Variants in SLC9A8 observed in about 807,000 individuals in gnomAD.
SLC9A8 encodes the protein sodium/hydrogen exchanger 8.
SLC9A8 carries 48 observed loss-of-function variants against 66.6 expected under a neutral mutation model. The observed-to-expected ratio is 0.72, with a 90% CI of 0.57 to 0.92. The LOEUF (loss-of-function observed/expected upper bound fraction) is 0.92, where lower values mean the gene tolerates loss of function less well. SLC9A8 is among the 40% of genes least tolerant of loss of function. SLC9A8 has a pLI of 0.00. For synonymous variants in SLC9A8, 274 were observed against 282.6 expected, an observed-to-expected ratio of 0.97 and a Z score of 0.31; for missense variants, 599 against 747.3, an observed-to-expected ratio of 0.80 and a Z score of 2.31.
At chr20:49,847,986 T>C (rs1874719) in intron 5 of SLC9A8, among the ~76,000 whole-genome samples, 35,523 of 141,144 alleles carry the variant, frequency 0.25, 4,485 homozygotes, top group Middle Eastern at 0.33. Flanking sequence ...CTCGGCTCAC[T>C]GCGAACTCGG....
chr20:49,862,636 A>G (rs2088791841), intron 8 of SLC9A8, among the ~76,000 whole-genome samples: 1 of 152,006 alleles, frequency 6.6e-6, no homozygotes. Flanking sequence ...CTGCTTTTCT[A>G]CAGCCCTCTA....
chr20:49,819,934 C>T (rs2146452892), intron 2 of SLC9A8, among the ~76,000 whole-genome samples: 1 of 152,262 alleles, frequency 6.6e-6, no homozygotes, highest in African/African-American at 2.4e-5. Flanking sequence ...GATGTTTATT[C>T]ATTCATCAGT....
In SLC9A8 at chr20:49,835,194, G is replaced by GTT. The variant is rs974199185; in HGVS notation, c.290-4337_290-4336dup. ...TGCCCTAGGGAGATAGTCTGGGTTT[G>GTT]TTTTTTTTTTTGTGAATGTCTTCCA... is the stretch of plus-strand genomic sequence containing the variant. On this transcript the variant is annotated intron_variant, in intron 3 of 15. Transcript: ENST00000361573. Among the ~76,000 whole-genome samples, 7 of 85,784 alleles carry GTT rather than the reference G, an allele frequency of 8.2e-5. 1 individual carries two copies. Among genetic ancestry groups the GTT allele is most frequent in the African/African-American group, 3.1e-4 (6 of 19,102 alleles). The allele number at this position is 85,784 out of a possible 152,430, so 56.3% of individuals were successfully genotyped here.
At position 49,846,061 on chromosome 20, in the gene SLC9A8, A is replaced by G. The variant is rs181309888; in HGVS notation, c.432+942A>G. Among the ~76,000 whole-genome samples, 8 of 151,412 alleles carry G rather than the reference A, an allele frequency of 5.3e-5. No homozygotes were observed. In the East Asian group the frequency reaches 1.6e-3, roughly 29 times the overall value. On this transcript the variant is annotated intron_variant, in intron 5 of 15. Transcript: ENST00000361573. The stretch of plus-strand genomic sequence containing the variant: ...ACCATGTTGGCCAGGCTGGTCTCGA[A>G]CTCCTGACCTCAAGTGATCCACCCA...
chr20:49,886,521 T>G lies in SLC9A8; in HGVS notation c.1492-231T>G. ...ACCAAGCCCCAGCCTGGCCCAGTCC[T>G]TCTGTTTTAGCTGTCCTAGGTGGGG... On this transcript the variant is annotated intron_variant, in intron 14 of 15. Transcript: ENST00000361573. The surrounding 1 kb of genome is among the most constrained non-coding windows in gnomAD (Gnocchi z 4.8). 1 of 458,850 alleles carries G rather than the reference T, an allele frequency of 2.2e-6. No homozygotes were observed. Among genetic ancestry groups the G allele is most frequent in the South Asian group, 4.1e-5 (1 of 24,200 alleles). 28.4% of individuals were successfully genotyped at this position (458,850 alleles called of 1,614,324 possible). A position where few individuals can be genotyped will look rare whatever the true frequency, so the allele number is the denominator to read the frequency against.
In SLC9A8 at chr20:49,884,231, C is replaced by CG. The variant is rs1376725359; in HGVS notation, c.1491+165_1491+166insG. 2.4e-3 allele frequency: 526 copies of CG among 222,810 alleles called. 5 individuals are homozygous for CG. Among genetic ancestry groups the CG allele is most frequent in the East Asian group, 6.6e-3 (79 of 12,014 alleles). 13.8% of individuals were successfully genotyped at this position (222,810 alleles called of 1,614,324 possible). On this transcript the variant is annotated intron_variant, in intron 14 of 15. Transcript: ENST00000361573. ...ACACACACACACACACACACACACA[C>CG]ACACACACACGACACACACACACAC...
chr20:49,837,726 C>A (rs529890367), intron 3 of SLC9A8, among the ~76,000 whole-genome samples: 1 of 152,072 alleles, frequency 6.6e-6, no homozygotes, highest in African/African-American at 2.4e-5. Context: ...CCCGCCATGC[C>A]CGGCTAATTT....
rs114523989 is a variant in SLC9A8 at position 49,888,130 on chromosome 20, G to C, written c.*194G>C. The C allele has an allele frequency of 1.9e-3, 1,025 of 525,910 alleles. 10 individuals are homozygous for C. The highest frequency in any genetic ancestry group is 0.018 in the African/African-American group (935 of 51,036). The allele number at this position is 525,910 out of a possible 1,614,324, so 32.6% of individuals were successfully genotyped here. On this transcript the variant is annotated 3_prime_UTR_variant, in exon 16 of 16. Coordinates refer to ENST00000361573, the MANE Select transcript of SLC9A8 (RefSeq NM_015266.3). ...CCTCTGGAGCCAGGCGACTTCTTGG[G>C]AAACTGTCATCTCCCGACTCCTCCC... is the stretch of plus-strand genomic sequence containing the variant.
chr20:49,829,951 G>T, intron 3 of SLC9A8: 1 of 593,984 alleles, frequency 1.7e-6, no homozygotes, highest in South Asian at 1.4e-5. Flanking sequence ...AGCGGGGTCA[G>T]CCCCCAAAGA....
At chr20:49,847,642 A>G (rs1241063586) in intron 5 of SLC9A8, among the ~76,000 whole-genome samples, 1 of 152,128 alleles carries the variant, frequency 6.6e-6, no homozygotes, top group Non-Finnish European at 1.5e-5. Flanking sequence ...TTGGATTTAG[A>G]ATACAGATTA....
chr20:49,823,020 A>G, intron 2 of SLC9A8, 41 bp from the exon 3 acceptor site: 1 of 1,503,378 alleles, frequency 6.7e-7, no homozygotes, highest in Non-Finnish European at 9.3e-7. Context: ...TTCAGAATTG[A>G]GTGTTTTTTT....
rs775925484 is a variant in SLC9A8 at position 49,823,123 on chromosome 20, G to A, written c.271G>A (p.Val91Ile). The A allele has an allele frequency of 1.2e-6, 2 of 1,611,936 alleles. No individual in the cohort carries two copies. The highest frequency in any genetic ancestry group is 1.7e-6 in the Non-Finnish European group (2 of 1,178,880). ...CAGATTACATTTCTTGCCAGAGAGTGTTGCTGTTGTTTCTTTAGGTAAGTG... is the reference window on the plus strand; with the variant it reads ...CAGATTACATTTCTTGCCAGAGAGTATTGCTGTTGTTTCTTTAGGTAAGTG... ...RYRLHFLPES[V>I]AVVSLGILMG... The change falls in exon 3 of 16, where the codon GTT becomes ATT. Residue 91 changes from valine (V) to isoleucine (I), a missense_variant. Physicochemically the swap from Val to Ile is conservative, Grantham distance 29. Coordinates refer to ENST00000361573, the MANE Select transcript of SLC9A8 (RefSeq NM_015266.3).
At chr20:49,861,896 C>A (rs1033493214) in intron 8 of SLC9A8, among the ~76,000 whole-genome samples, 1 of 152,136 alleles carries the variant, frequency 6.6e-6, no homozygotes, top group African/African-American at 2.4e-5. Flanking sequence ...GACATTTCTT[C>A]TTTGGGTAGC....
chr20:49,871,329 A>G (rs1465852146), intron 10 of SLC9A8, among the ~76,000 whole-genome samples: 3 of 152,122 alleles, frequency 2.0e-5, no homozygotes, highest in African/African-American at 7.2e-5. Flanking sequence ...CCTTTATTAC[A>G]TCTAGAACAG....
rs73125664 is a variant in SLC9A8, at chr20:49,865,919, A to T, written c.958+1075A>T. Among the ~76,000 whole-genome samples, 1,143 of 152,272 alleles carry T rather than the reference A, an allele frequency of 7.5e-3. 6 individuals carry two copies. The highest frequency in any genetic ancestry group is 0.013 in the Non-Finnish European group (880 of 68,024). ...GAGGCACTATTGCAGGGATGTTTTG[A>T]TCTGTGCCACAAGATGGCAGAGATT... On this transcript the variant is annotated intron_variant, in intron 10 of 15. Coordinates refer to ENST00000361573, the MANE Select transcript of SLC9A8 (RefSeq NM_015266.3).
At chr20:49,866,450 G>A (rs977949987) in intron 10 of SLC9A8, among the ~76,000 whole-genome samples, 1 of 152,222 alleles carries the variant, frequency 6.6e-6, no homozygotes, top group East Asian at 1.9e-4. Context: ...AGTGTTTTTC[G>A]AAGTGACTGT....
chr20:49,872,883 G>C (rs2646741), intron 10 of SLC9A8, among the ~76,000 whole-genome samples: 139,266 of 152,334 alleles, frequency 0.91, 63,768 homozygotes, highest in African/African-American at 0.95. Context: ...GTTTGACTTG[G>C]AATTAGTATA....
Position 49,815,009 on chromosome 20 carries a change from A to T in SLC9A8, c.28A>T (p.Arg10Trp), listed in dbSNP as rs745756194. The part of the protein sequence containing the change: MGEKMAEEE[R>W]FPNTTHEGFN... Reference sequence around the variant, plus strand: ...AATTATGCTTTCTATGTCCTCCAGGAGGTTCCCCAATACAACTCATGAGGG... The same window carrying T: ...AATTATGCTTTCTATGTCCTCCAGGTGGTTCCCCAATACAACTCATGAGGG... Residue 10 changes from arginine to tryptophan, a missense_variant and splice_region_variant, in exon 2 of 16, where the codon AGG (arginine) becomes TGG (tryptophan). Transcript: ENST00000361573. 1 of 1,556,076 alleles carries T rather than the reference A, an allele frequency of 6.4e-7. No individual in the cohort carries two copies. The highest frequency in any genetic ancestry group is 8.7e-7 in the Non-Finnish European group (1 of 1,146,438).
chr20:49,826,878 G>A (rs989453660), intron 3 of SLC9A8, among the ~76,000 whole-genome samples: 3 of 151,892 alleles, frequency 2.0e-5, no homozygotes, highest in Non-Finnish European at 2.9e-5. Context: ...CCTTTGTATA[G>A]TTTAATTTGA....
Sources: allele counts gnomAD v4.1 joint callset (sites outside exome capture counted in the v4.1 genomes callset), GRCh38; gene constraint gnomAD v4.1.1; non-coding constraint Gnocchi (gnomAD v3.1); transcripts MANE v1.5; gene names NCBI Gene and HGNC (gene_info 2026-07-23, HGNC 2026-07-21).